ARHGAP24: variants seen among roughly 807,000 people sequenced by gnomAD.
ARHGAP24 encodes Rho GTPase activating protein 24.
A neutral mutation model predicts 76.4 loss-of-function variants in ARHGAP24; 50 were observed. That is an observed-to-expected ratio of 0.65 (90% CI 0.52 to 0.83). ARHGAP24 has a LOEUF of 0.83. Ranked by LOEUF, ARHGAP24 falls within the 40% of genes least tolerant of loss-of-function variation. The pLI, the probability that ARHGAP24 is intolerant of heterozygous loss-of-function variation, is 0.00. For missense variants in ARHGAP24, 930 were observed against 914.2 expected (o/e 1.02, Z -0.22); for synonymous variants, 345 against 323.3 (o/e 1.07, Z -0.72).
intron 5 of ARHGAP24, among the ~76,000 whole-genome samples, chr4:85,946,974 C>T (rs1737305685): frequency 1.3e-5 from 2 of 152,140 alleles, no homozygotes; most frequent in African/African-American, 4.8e-5. Flanking sequence ...CCCTTTTCTC[C>T]TTGGCCTCAC....
At chr4:85,480,261 T>C (rs1722758185) in intron 1 of ARHGAP24, among the ~76,000 whole-genome samples, 1 of 152,152 alleles carries the variant, frequency 6.6e-6, no homozygotes, top group African/African-American at 2.4e-5. Flanking sequence ...CATGATAAAT[T>C]CCTTTTTGCC....
At chr4:85,897,834 A>G (rs1428985805) in intron 3 of ARHGAP24, among the ~76,000 whole-genome samples, 1 of 151,982 alleles carries the variant, frequency 6.6e-6, no homozygotes. Flanking sequence ...AGTATCAGAT[A>G]AGTGAGGGAA....
At chr4:85,603,908 G>A (rs1720111693) in intron 2 of ARHGAP24, among the ~76,000 whole-genome samples, 1 of 152,122 alleles carries the variant, frequency 6.6e-6, no homozygotes, top group Middle Eastern at 3.4e-3. Context: ...TAGTACAGCA[G>A]CATATCTTAT....
At chr4:85,700,340 G>A (rs1178878362) in intron 2 of ARHGAP24, among the ~76,000 whole-genome samples, 1 of 150,390 alleles carries the variant, frequency 6.6e-6, no homozygotes. Context: ...AAGTTGCAGT[G>A]AGCCAAGATC....
chr4:85,902,600 G>GTTTTTTA (rs1734562478), intron 3 of ARHGAP24, among the ~76,000 whole-genome samples: 1 of 152,032 alleles, frequency 6.6e-6, no homozygotes, highest in Non-Finnish European at 1.5e-5. Flanking sequence ...TCATACATCT[G>GTTTTTTA]TTTTTTATTT....
intron 3 of ARHGAP24, among the ~76,000 whole-genome samples, chr4:85,868,963 AT>A (rs1212215109): frequency 6.6e-6 from 1 of 151,804 alleles, no homozygotes; most frequent in Non-Finnish European, 1.5e-5. Flanking sequence ...AGTTGTATGT[AT>A]TTTGTATATC....
intron 2 of ARHGAP24, among the ~76,000 whole-genome samples, chr4:85,664,409 T>G (rs1375156790): frequency 6.6e-6 from 1 of 151,230 alleles, no homozygotes; most frequent in Non-Finnish European, 1.5e-5. Flanking sequence ...TCTTTTCTTC[T>G]GTATTAGTCT....
intron 8 of ARHGAP24, among the ~76,000 whole-genome samples, chr4:85,981,277 T>C (rs1739651619): frequency 6.6e-6 from 1 of 152,206 alleles, no homozygotes. Context: ...AACGTTTCAC[T>C]TCAAGAAATA....
intron 3 of ARHGAP24, among the ~76,000 whole-genome samples, chr4:85,827,517 T>TGTGTGTGTGTGTG (rs1553933033): frequency 1.6e-3 from 201 of 126,228 alleles, no homozygotes; most frequent in Non-Finnish European, 2.1e-3. Flanking sequence ...TGTGTGTGTG[T>TGTGTGTGTGTGTG]TTAGAGAGAG....
intron 3 of ARHGAP24, among the ~76,000 whole-genome samples, chr4:85,764,862 C>T (rs564080857): frequency 7.0e-6 from 1 of 142,562 alleles, no homozygotes; most frequent in African/African-American, 2.6e-5. Flanking sequence ...ATTTGCAATT[C>T]AGAAAGTTTA....
intron 3 of ARHGAP24, among the ~76,000 whole-genome samples, chr4:85,844,475 T>C (rs1033009357): frequency 6.6e-6 from 1 of 152,240 alleles, no homozygotes; most frequent in African/African-American, 2.4e-5. Context: ...AAAATACCTT[T>C]AGTCTTCTAT....
At chr4:85,757,392 G>C (rs2110070740) in intron 3 of ARHGAP24, among the ~76,000 whole-genome samples, 1 of 151,862 alleles carries the variant, frequency 6.6e-6, no homozygotes, top group South Asian at 2.1e-4. Flanking sequence ...ACAGACCCCG[G>C]TGTGTGATGT....
chr4:85,520,154 G>T (rs991960515), intron 1 of ARHGAP24, among the ~76,000 whole-genome samples: 18 of 152,108 alleles, frequency 1.2e-4, no homozygotes, highest in Middle Eastern at 3.2e-3. Flanking sequence ...GTGTATAAAA[G>T]AGGTTTTAAT....
chr4:85,631,206 A>G (rs55914555), intron 2 of ARHGAP24, among the ~76,000 whole-genome samples: 7,986 of 152,230 alleles, frequency 0.052, 680 homozygotes, highest in African/African-American at 0.18. Context: ...GTATCGAAAG[A>G]TAAAAAAGAT....
intron 3 of ARHGAP24, among the ~76,000 whole-genome samples, chr4:85,908,836 A>G (rs965490970): frequency 6.6e-6 from 1 of 152,162 alleles, no homozygotes; most frequent in Non-Finnish European, 1.5e-5. Flanking sequence ...TTACCTAACA[A>G]AAAGCTTTCT....
chr4:85,970,802 G>A (rs1022942959), intron 5 of ARHGAP24, among the ~76,000 whole-genome samples: 1 of 151,860 alleles, frequency 6.6e-6, no homozygotes, highest in African/African-American at 2.4e-5. Context: ...TACTCTTCCC[G>A]GTTCCAGGAA....
rs113964415 is a variant in ARHGAP24, at chr4:85,523,015, A to G, written c.-21+47456A>G. 9.7e-3 allele frequency among the ~76,000 whole-genome samples: 1,482 copies of G among 152,034 alleles called. 14 individuals carry two copies. Among genetic ancestry groups the G allele is most frequent in the East Asian group, 0.019 (96 of 5,164 alleles). On this transcript the variant is annotated intron_variant, in intron 1 of 9. Coordinates refer to ENST00000395184, the MANE Select transcript of ARHGAP24 (RefSeq NM_001025616.3). ...ACATGCCAGACCAGCTGGTCATTCGACTCTTTGGTGGCTAACACGCTCCCA... is the reference window on the plus strand; with the variant it reads ...ACATGCCAGACCAGCTGGTCATTCGGCTCTTTGGTGGCTAACACGCTCCCA...
chr4:85,726,809 T>C (rs1578175902), intron 3 of ARHGAP24, among the ~76,000 whole-genome samples: 1 of 152,174 alleles, frequency 6.6e-6, no homozygotes, highest in African/African-American at 2.4e-5. Context: ...AGGCAAGCAA[T>C]GTCATTATCT....
chr4:85,895,325 A>G (rs1018279364), intron 3 of ARHGAP24, among the ~76,000 whole-genome samples: 2 of 152,204 alleles, frequency 1.3e-5, no homozygotes, highest in Non-Finnish European at 2.9e-5. Context: ...TTTACACTGA[A>G]GAGTTTAGAA....
Sources: gnomAD v4.1 joint callset for allele counts (sites outside exome capture counted in the v4.1 genomes callset) on GRCh38, gnomAD v4.1.1 for gene constraint, MANE v1.5 for transcripts, NCBI Gene and HGNC (gene_info 2026-07-23, HGNC 2026-07-21) for gene names.